Variants in ACAP2 observed in about 807,000 individuals in gnomAD.
The protein encoded by ACAP2 is ArfGAP with coiled-coil, ankyrin repeat and PH domains 2, also known as arf-GAP with coiled-coil, ANK repeat and PH domain-containing protein 2.
A neutral mutation model predicts 115.8 loss-of-function variants in ACAP2; 39 were observed. The ratio of observed to expected loss-of-function variants is 0.34; its 90% CI spans 0.26 to 0.44. The LOEUF (loss-of-function observed/expected upper bound fraction) is 0.44, where lower values mean the gene tolerates loss of function less well. ACAP2 is among the 20% of genes least tolerant of loss of function. ACAP2 has a pLI of 1.00. For synonymous variants in ACAP2, 289 were observed against 315.8 expected, an observed-to-expected ratio of 0.92 and a Z score of 0.90; for missense variants, 662 against 927.6, an observed-to-expected ratio of 0.71 and a Z score of 3.72.
At chr3:195,437,055 T>A (rs1000447722) in intron 1 of ACAP2, among the ~76,000 whole-genome samples, 2 of 152,044 alleles carry the variant, frequency 1.3e-5, no homozygotes, top group Non-Finnish European at 2.9e-5. Context: ...TATTTAATAA[T>A]TTTTTTTAAA....
chr3:195,414,049 A>G (rs1454491801), intron 1 of ACAP2, among the ~76,000 whole-genome samples: 1 of 152,184 alleles, frequency 6.6e-6, no homozygotes, highest in African/African-American at 2.4e-5. Flanking sequence ...ATGGCAAATA[A>G]ATAGGTGAAA....
rs368305941 is a variant in ACAP2, at chr3:195,381,948, C to T, written c.186G>A (p.Gly62=). The T allele has an allele frequency of 1.1e-5, 17 of 1,612,072 alleles. No homozygotes were observed. Among genetic ancestry groups the T allele is most frequent in the African/African-American group, 8.0e-5 (6 of 74,634 alleles). Reference sequence around the variant, plus strand: ...TAGAATACTGAGCCAGGTCTCGAATCCCATTCATGAACTGTTTATTTGCAA... The same window carrying T: ...TAGAATACTGAGCCAGGTCTCGAATTCCATTCATGAACTGTTTATTTGCAA... ...FCVANKQFMN[G]IRDLAQYSSN... The change falls in exon 3 of 23, where the codon GGG becomes GGA. Residue 62 remains glycine, a synonymous_variant. Coordinates refer to ENST00000326793, the MANE Select transcript of ACAP2 (RefSeq NM_012287.6).
intron 1 of ACAP2, among the ~76,000 whole-genome samples, chr3:195,440,106 C>G (rs956525840): frequency 1.3e-5 from 2 of 152,136 alleles, no homozygotes; most frequent in African/African-American, 4.8e-5. Context: ...CTTTACATTC[C>G]TGTAGATTTT....
At chr3:195,352,316 A>T (rs1731667200) in intron 4 of ACAP2, among the ~76,000 whole-genome samples, 3 of 152,240 alleles carry the variant, frequency 2.0e-5, no homozygotes, top group Non-Finnish European at 2.9e-5. Flanking sequence ...ATACTCACAC[A>T]ATGAAGAAAT....
At chr3:195,405,285 C>T (rs942879176) in intron 1 of ACAP2, among the ~76,000 whole-genome samples, 1 of 152,276 alleles carries the variant, frequency 6.6e-6, no homozygotes, top group South Asian at 2.1e-4. Flanking sequence ...TTACCCTTTG[C>T]TGATGAACTC....
chr3:195,436,828 T>C (rs1451241242), intron 1 of ACAP2, among the ~76,000 whole-genome samples: 1 of 152,162 alleles, frequency 6.6e-6, no homozygotes, highest in East Asian at 1.9e-4. Flanking sequence ...TTAAAGGTGT[T>C]AGAACAAGTG....
At chr3:195,351,268 C>G (rs113841530) in intron 4 of ACAP2, among the ~76,000 whole-genome samples, 3,253 of 151,904 alleles carry the variant, frequency 0.021, 113 homozygotes, top group East Asian at 0.1. Flanking sequence ...CAGGGGCATG[C>G]CACCACGCCA....
intron 4 of ACAP2, among the ~76,000 whole-genome samples, chr3:195,372,245 C>T (rs535088801): frequency 1.3e-5 from 2 of 152,212 alleles, no homozygotes; most frequent in African/African-American, 4.8e-5. Context: ...CAAAGCAGAA[C>T]AAGAAACAGA....
At chr3:195,329,091 A>AAAAG (rs1164697245) in intron 8 of ACAP2, among the ~76,000 whole-genome samples, 2 of 151,818 alleles carry the variant, frequency 1.3e-5, no homozygotes, top group African/African-American at 4.8e-5. Context: ...AAAAAAAAAA[A>AAAAG]AAAGAAAGAA....
intron 13 of ACAP2, among the ~76,000 whole-genome samples, chr3:195,304,929 T>A (rs1728324338): frequency 6.6e-6 from 1 of 152,206 alleles, no homozygotes. Flanking sequence ...GCTCTCAACA[T>A]TGGTTGTTTA....
chr3:195,279,314 A>G lies in ACAP2; in HGVS notation c.*14T>C, dbSNP rs1342893773. The G allele has an allele frequency of 6.4e-7, 1 of 1,568,358 alleles. No individual in the cohort carries two copies. Among genetic ancestry groups the G allele is most frequent in the Non-Finnish European group, 8.7e-7 (1 of 1,147,960 alleles). On this transcript the variant is annotated 3_prime_UTR_variant, in exon 23 of 23. Coordinates refer to ENST00000326793, the MANE Select transcript of ACAP2 (RefSeq NM_012287.6). ...GGGTCACCAGATTTCATATTTTCCC[A>G]TTTTTAAAAAAATTCAGAATTTCTG... is the stretch of plus-strand genomic sequence containing the variant.
chr3:195,382,893 A>G (rs55898934), intron 2 of ACAP2, among the ~76,000 whole-genome samples: 1 of 151,816 alleles, frequency 6.6e-6, no homozygotes, highest in Non-Finnish European at 1.5e-5. Flanking sequence ...AAAAAAAAAA[A>G]GGAAGACCAT....
At chr3:195,328,931 T>C (rs560585450) in intron 8 of ACAP2, among the ~76,000 whole-genome samples, 64 of 152,052 alleles carry the variant, frequency 4.2e-4, no homozygotes, top group African/African-American at 1.5e-3. Context: ...TACAAAACAA[T>C]TAGCCGGGCG....
At chr3:195,369,210 G>A (rs1279149421) in intron 4 of ACAP2, among the ~76,000 whole-genome samples, 7 of 152,044 alleles carry the variant, frequency 4.6e-5, no homozygotes, top group South Asian at 2.1e-4. Context: ...CTGATCATAC[G>A]TAATATTTAT....
At chr3:195,404,574 G>A (rs577142429) in intron 1 of ACAP2, among the ~76,000 whole-genome samples, 26 of 151,654 alleles carry the variant, frequency 1.7e-4, no homozygotes, top group African/African-American at 2.4e-4. Context: ...AACCCATTCC[G>A]CGAAGCTAAA....
intron 1 of ACAP2, among the ~76,000 whole-genome samples, chr3:195,437,047 T>C (rs1468923212): frequency 6.6e-6 from 1 of 152,154 alleles, no homozygotes; most frequent in Non-Finnish European, 1.5e-5. Flanking sequence ...TGACACAATA[T>C]TTAATAATTT....
At chr3:195,299,842 A>G (rs1188261978) in intron 15 of ACAP2, among the ~76,000 whole-genome samples, 1 of 152,176 alleles carries the variant, frequency 6.6e-6, no homozygotes, top group East Asian at 1.9e-4. Flanking sequence ...CCTCTCAAAA[A>G]AAAGAGAGAA....
chr3:195,442,915 C>G lies in ACAP2; in HGVS notation c.-68G>C, dbSNP rs1716132785. On this transcript the variant is annotated 5_prime_UTR_variant, in exon 1 of 23. Coordinates refer to ENST00000326793, the MANE Select transcript of ACAP2 (RefSeq NM_012287.6). ...CCGCGGGAGCGGCCGCGCTGGGACG[C>G]AGACGGCTACGGCGGGCGCACGGCC... is the stretch of plus-strand genomic sequence containing the variant. 3.6e-6 allele frequency: 5 copies of G among 1,406,458 alleles called. No homozygotes were observed. The highest frequency in any genetic ancestry group is 4.7e-6 in the Non-Finnish European group (5 of 1,057,282). 87.1% of individuals were successfully genotyped at this position (1,406,458 alleles called of 1,614,324 possible).
chr3:195,355,424 G>A (rs1731897076), intron 4 of ACAP2, among the ~76,000 whole-genome samples: 1 of 151,618 alleles, frequency 6.6e-6, no homozygotes, highest in South Asian at 2.1e-4. Context: ...ACTTTCCCAG[G>A]AGAAAATTCA....
Sources: allele counts gnomAD v4.1 joint callset (sites outside exome capture counted in the v4.1 genomes callset), GRCh38; gene constraint gnomAD v4.1.1; transcripts MANE v1.5; gene names NCBI Gene and HGNC (gene_info 2026-07-23, HGNC 2026-07-21).